The following RAD51C variants were observed in gnomAD, a reference collection of about 807,000 sequenced individuals.
RAD51C encodes RAD51 paralog C, also known as DNA repair protein RAD51 homolog 3.
Under a neutral mutation model 45.0 loss-of-function variants are expected in RAD51C, and 42 were observed. The observed-to-expected ratio is 0.93, with a 90% CI of 0.73 to 1.21. RAD51C has a LOEUF of 1.21. Ranked by LOEUF, RAD51C falls within the 50% of genes most tolerant of loss-of-function variation. The pLI is 0.00. For missense variants in RAD51C, 474 were observed against 452.2 expected, an observed-to-expected ratio of 1.05 and a Z score of -0.44; for synonymous variants, 172 against 159.8, an observed-to-expected ratio of 1.08 and a Z score of -0.58.
At chr17:58,698,019 T>G (rs917405795) in intron 3 of RAD51C, among the ~76,000 whole-genome samples, 6 of 148,382 alleles carry the variant, frequency 4.0e-5, no homozygotes, top group Non-Finnish European at 9.0e-5. Context: ...GCCAATTTTT[T>G]TTTCTTTTTT....
intron 3 of RAD51C, among the ~76,000 whole-genome samples, chr17:58,699,499 G>A (rs1161706049): frequency 4.0e-5 from 6 of 151,814 alleles, no homozygotes; most frequent in Non-Finnish European, 8.8e-5. Context: ...TGACCAGCAT[G>A]GTTACTGAAA....
intron 5 of RAD51C, among the ~76,000 whole-genome samples, chr17:58,716,805 C>T (rs2048754411): frequency 6.8e-6 from 1 of 148,094 alleles, no homozygotes; most frequent in Non-Finnish European, 1.5e-5. Context: ...GAGTCTCGCT[C>T]TGTCACCCAG....
At chr17:58,709,559 C>T (rs959664991) in intron 4 of RAD51C, 7 of 242,610 alleles carry the variant, frequency 2.9e-5, no homozygotes, top group South Asian at 2.8e-4. Context: ...TATGGTTTTT[C>T]CAATGCTATG....
intron 3 of RAD51C, among the ~76,000 whole-genome samples, chr17:58,697,838 G>A (rs575302785): frequency 7.3e-4 from 110 of 150,062 alleles, no homozygotes; most frequent in African/African-American, 2.5e-3. Flanking sequence ...TCAGCCTCCC[G>A]AGTAGCTGGA....
chr17:58,697,081 A>G (rs1296118028), intron 3 of RAD51C, among the ~76,000 whole-genome samples: 1 of 151,984 alleles, frequency 6.6e-6, no homozygotes, highest in Non-Finnish European at 1.5e-5. Flanking sequence ...TTCCTGTAGG[A>G]GCTTTGGGAC....
chr17:58,732,653 T>G, intron 8 of RAD51C, 109 bp downstream of exon 8: 1 of 1,034,844 alleles, frequency 9.7e-7, no homozygotes, highest in South Asian at 1.3e-5. Flanking sequence ...CAAGCATATT[T>G]GAGGACAGCT....
At chr17:58,708,860 G>T (rs2048459874) in intron 4 of RAD51C, among the ~76,000 whole-genome samples, 1 of 151,686 alleles carries the variant, frequency 6.6e-6, no homozygotes, top group Admixed American at 6.6e-5. Context: ...GAGCCACCGC[G>T]CCCAGCCTGA....
At chr17:58,730,418 C>T (rs1197115762) in intron 7 of RAD51C, among the ~76,000 whole-genome samples, 1 of 150,662 alleles carries the variant, frequency 6.6e-6, no homozygotes, top group Non-Finnish European at 1.5e-5. Context: ...ACCTCGTGAT[C>T]TGCCTGCCTC....
At chr17:58,719,326 C>T (rs1006986260) in intron 5 of RAD51C, among the ~76,000 whole-genome samples, 2 of 152,008 alleles carry the variant, frequency 1.3e-5, no homozygotes, top group Non-Finnish European at 2.9e-5. Flanking sequence ...AATTCTCCTG[C>T]CTCAGCCTCC....
rs562399870 is a variant in RAD51C at position 58,732,964 on chromosome 17, A to AT, written c.1026+426dup. Among the ~76,000 whole-genome samples, 31 of 152,236 alleles carry AT rather than the reference A, an allele frequency of 2.0e-4. No homozygotes were observed. In the South Asian group the frequency reaches 6.2e-3, roughly 31 times the overall value. Reference sequence around the variant, plus strand: ...TGTGAATTTACATCATAGAACACACATTTTTTGGCTGAAATATGCATATTT... The same window carrying AT: ...TGTGAATTTACATCATAGAACACACATTTTTTTGGCTGAAATATGCATATTT... On this transcript the variant is annotated intron_variant, in intron 8 of 8. Coordinates refer to ENST00000337432, the MANE Select transcript of RAD51C (RefSeq NM_058216.3).
intron 6 of RAD51C, among the ~76,000 whole-genome samples, chr17:58,722,391 G>C (rs563511590): frequency 6.6e-6 from 1 of 152,282 alleles, no homozygotes; most frequent in African/African-American, 2.4e-5. Flanking sequence ...CAGTACAGTA[G>C]CCCTTGCTAC....
At chr17:58,692,599 G>C (rs542951292), upstream of RAD51C, 1 of 1,612,048 alleles carries the variant, frequency 6.2e-7, no homozygotes, top group Non-Finnish European at 8.5e-7. Context: ...CCCCAGCGAG[G>C]GCGTGCGGAG....
intron 6 of RAD51C, among the ~76,000 whole-genome samples, chr17:58,721,439 T>C (rs760230525): frequency 6.6e-6 from 1 of 152,212 alleles, no homozygotes; most frequent in Non-Finnish European, 1.5e-5. Flanking sequence ...TCAAGATTTA[T>C]TTCCACTAAA....
chr17:58,713,130 AAC>A lies in RAD51C; in HGVS notation c.837+3144_837+3145del, dbSNP rs564957216. ...AGCAGAGCAAGACCCTGTCTTCAAA[AAC>A]ACAAAAAGAAATGAAAATGAGGTCA... On this transcript the variant is annotated intron_variant, in intron 5 of 8. Coordinates refer to ENST00000337432, the MANE Select transcript of RAD51C (RefSeq NM_058216.3). Among the ~76,000 whole-genome samples, 353 of 152,266 alleles carry A rather than the reference AAC, an allele frequency of 2.3e-3. 7 individuals carry two copies. Among genetic ancestry groups the A allele is most frequent in the Non-Finnish European group, 2.4e-4 (16 of 68,014 alleles).
At chr17:58,732,964 AT>A (rs562399870) in intron 8 of RAD51C, among the ~76,000 whole-genome samples, 1 of 152,118 alleles carries the variant, frequency 6.6e-6, no homozygotes, top group African/African-American at 2.4e-5. Context: ...TAGAACACAC[AT>A]TTTTTGGCTG....
At chr17:58,724,138 G>A in intron 7 of RAD51C, 38 bp downstream of exon 7, 1 of 1,555,824 alleles carries the variant, frequency 6.4e-7, no homozygotes, top group Non-Finnish European at 8.9e-7. Flanking sequence ...CGAATATTGG[G>A]TTAATTATAC....
intron 1 of RAD51C, chr17:58,693,148 A>G (rs1440888552): frequency 3.6e-6 from 1 of 280,240 alleles, no homozygotes; most frequent in Non-Finnish European, 6.9e-6. Context: ...GGGTTAGGAA[A>G]TACTGGAGTC....
intron 5 of RAD51C, among the ~76,000 whole-genome samples, chr17:58,714,522 G>T (rs1056568155): frequency 2.0e-5 from 3 of 151,892 alleles, no homozygotes; most frequent in African/African-American, 7.3e-5. Flanking sequence ...GCCATGGCGC[G>T]ATCTTGGCTC....
intron 5 of RAD51C, among the ~76,000 whole-genome samples, chr17:58,713,056 G>A (rs1457548008): frequency 6.6e-6 from 1 of 152,020 alleles, no homozygotes; most frequent in Non-Finnish European, 1.5e-5. Context: ...AGGCTGGGAG[G>A]CAAAGGTTGC....
Sources: gnomAD v4.1 joint callset for allele counts (sites outside exome capture counted in the v4.1 genomes callset) on GRCh38, gnomAD v4.1.1 for gene constraint, MANE v1.5 for transcripts, NCBI Gene and HGNC (gene_info 2026-07-23, HGNC 2026-07-21) for gene names.